The following ARID1B variants were observed in gnomAD, a reference collection of about 807,000 sequenced individuals.
The protein encoded by ARID1B is AT-rich interaction domain 1B.
Under a neutral mutation model 212.3 loss-of-function variants are expected in ARID1B, and 30 were observed. That is an observed-to-expected ratio of 0.14 (90% confidence interval 0.11 to 0.19). ARID1B has a LOEUF of 0.19. ARID1B is among the 10% of genes least tolerant of loss of function. The pLI is 1.00. For synonymous variants in ARID1B, 1,402 were observed against 1,301.7 expected (o/e 1.08, Z -1.66); for missense variants, 2,891 against 3,204.0 (o/e 0.90, Z 2.36).
chr6:157,030,106 TG>T (rs1234137136), intron 4 of ARID1B, among the ~76,000 whole-genome samples: 2 of 152,212 alleles, frequency 1.3e-5, no homozygotes, highest in Non-Finnish European at 2.9e-5. Context: ...TGGGCTCAGC[TG>T]GGTGGTTCTG....
At chr6:156,818,707 T>C (rs1253072824) in intron 1 of ARID1B, among the ~76,000 whole-genome samples, 1 of 152,224 alleles carries the variant, frequency 6.6e-6, no homozygotes, top group Admixed American at 6.5e-5. Flanking sequence ...TCCATTTTAC[T>C]GGAGATGGCA....
At chr6:156,896,192 A>G (rs1295168585) in intron 2 of ARID1B, among the ~76,000 whole-genome samples, 1 of 152,172 alleles carries the variant, frequency 6.6e-6, no homozygotes, top group Non-Finnish European at 1.5e-5. Context: ...TCCTTCCTGG[A>G]ACATGTGTGT....
Position 157,148,965 on chromosome 6 carries a change from G to A in ARID1B, c.3089+14G>A. 6.2e-7 allele frequency: 1 copy of A among 1,603,960 alleles called. No homozygotes were observed. Among genetic ancestry groups the A allele is most frequent in the Non-Finnish European group, 8.5e-7 (1 of 1,173,932 alleles). ...AGCACAAAGCAGGTACGCCACCCAG[G>A]AGCACGCCCCGGGCAGGTACGCTGT... On this transcript the variant is annotated intron_variant, in intron 8 of 19. Transcript: ENST00000636930. This position sits in a 1 kb window ranked among gnomAD's most constrained non-coding sequence, Gnocchi z 5.6.
chr6:156,835,155 G>A (rs539238134), intron 2 of ARID1B, among the ~76,000 whole-genome samples: 100 of 151,518 alleles, frequency 6.6e-4, no homozygotes, highest in Admixed American at 2.0e-3. Flanking sequence ...CAGGAGTATG[G>A]TGTGAACCCG....
chr6:157,180,940 C>A lies in ARID1B; in HGVS notation c.3505-29C>A, dbSNP rs1349365764. 4 of 1,596,428 alleles carry A rather than the reference C, an allele frequency of 2.5e-6. No individual in the cohort carries two copies. In the Admixed American group the frequency reaches 6.7e-5, roughly 27 times the overall value. ...CCTCTCCCTCTGCCCACCCATGCCCCACCTCCACATGCTGCTTCTGGGTAC... is the reference window on the plus strand; with the variant it reads ...CCTCTCCCTCTGCCCACCCATGCCCAACCTCCACATGCTGCTTCTGGGTAC... On this transcript the variant is annotated intron_variant, in intron 11 of 19. Transcript: ENST00000636930.
At chr6:157,039,678 CTTCCTTCCTTCCTTCCTTCT>C (rs1781646475) in intron 4 of ARID1B, among the ~76,000 whole-genome samples, 2 of 85,862 alleles carry the variant, frequency 2.3e-5, no homozygotes, top group Non-Finnish European at 2.5e-5. Context: ...TCCTTCCTTC[CTTCCTTCCTTCCTTCCTTCT>C]TTCTTTCCTT....
At chr6:157,137,571 C>G (rs1056976647) in intron 7 of ARID1B, among the ~76,000 whole-genome samples, 2 of 152,226 alleles carry the variant, frequency 1.3e-5, no homozygotes, top group Non-Finnish European at 2.9e-5. Flanking sequence ...AGAGGAATGT[C>G]TATCACACTG....
intron 5 of ARID1B, among the ~76,000 whole-genome samples, chr6:157,089,491 T>G (rs1785147767): frequency 6.6e-6 from 1 of 152,178 alleles, no homozygotes; most frequent in Non-Finnish European, 1.5e-5. Context: ...AGAAGCAGAA[T>G]GGAGATTTTT....
At chr6:156,803,489 C>T (rs528232734) in intron 1 of ARID1B, among the ~76,000 whole-genome samples, 6 of 152,294 alleles carry the variant, frequency 3.9e-5, no homozygotes, top group Non-Finnish European at 7.4e-5. Flanking sequence ...CTTCCTCCCT[C>T]TGTACTTACC....
chr6:157,110,864 AAAT>A, intron 6 of ARID1B: 1 of 415,490 alleles, frequency 2.4e-6, no homozygotes, highest in Non-Finnish European at 4.4e-6. Flanking sequence ...AGCTGTGTAA[AAAT>A]AACTGTGAAT....
chr6:156,857,144 C>A (rs1227924035), intron 2 of ARID1B, among the ~76,000 whole-genome samples: 1 of 152,170 alleles, frequency 6.6e-6, no homozygotes, highest in African/African-American at 2.4e-5. Context: ...CATAATAGTT[C>A]TCTTAAATGA....
intron 7 of ARID1B, among the ~76,000 whole-genome samples, chr6:157,137,326 T>C (rs552006657): frequency 1.6e-4 from 25 of 152,328 alleles, no homozygotes; most frequent in Non-Finnish European, 2.5e-4. Flanking sequence ...TTTTATGAAA[T>C]AGCACTTTGC....
chr6:156,924,289 A>T (rs1791047261), intron 3 of ARID1B, among the ~76,000 whole-genome samples: 1 of 152,242 alleles, frequency 6.6e-6, no homozygotes, highest in African/African-American at 2.4e-5. Context: ...TTTCAAGGAT[A>T]AAAGATTCAT....
At chr6:157,179,860 TGTTA>T (rs1197900896) in intron 11 of ARID1B, among the ~76,000 whole-genome samples, 2 of 152,198 alleles carry the variant, frequency 1.3e-5, no homozygotes, top group Non-Finnish European at 2.9e-5. Context: ...ATGGCAGTCA[TGTTA>T]GTTAACCCCC....
intron 3 of ARID1B, among the ~76,000 whole-genome samples, 166 bp from the exon 4 acceptor site, chr6:156,935,300 G>A (rs1228833020): frequency 6.6e-6 from 1 of 152,026 alleles, no homozygotes; most frequent in Non-Finnish European, 1.5e-5. Context: ...GGCTGGTCTT[G>A]AACTCCTGGG....
intron 1 of ARID1B, among the ~76,000 whole-genome samples, chr6:156,803,647 T>TA (rs1297057882): frequency 1.3e-5 from 2 of 151,340 alleles, no homozygotes; most frequent in South Asian, 2.1e-4. Flanking sequence ...TTTTTTTTTT[T>TA]AAATTCCTTT....
At chr6:156,815,012 A>G (rs772849612) in intron 1 of ARID1B, among the ~76,000 whole-genome samples, 3 of 152,246 alleles carry the variant, frequency 2.0e-5, no homozygotes, top group Non-Finnish European at 4.4e-5. Flanking sequence ...GTATGTAACA[A>G]TAATATTCAA....
chr6:156,937,425 A>C (rs777674969), intron 4 of ARID1B: 7 of 152,144 alleles, frequency 4.6e-5, no homozygotes, highest in Non-Finnish European at 1.0e-4. Flanking sequence ...TTGTACTGTG[A>C]CACAGGTTGG....
At chr6:156,960,337 G>A (rs777713970) in intron 4 of ARID1B, among the ~76,000 whole-genome samples, 5 of 152,074 alleles carry the variant, frequency 3.3e-5, no homozygotes, top group South Asian at 2.1e-4. Flanking sequence ...TATGATGGAC[G>A]TCCTTATTGA....
Sources: gnomAD v4.1 joint callset for allele counts (sites outside exome capture counted in the v4.1 genomes callset) on GRCh38, gnomAD v4.1.1 for gene constraint, Gnocchi (gnomAD v3.1) non-coding constraint, MANE v1.5 for transcripts, NCBI Gene and HGNC (gene_info 2026-07-23, HGNC 2026-07-21) for gene names.